PIGF: variants seen among roughly 807,000 people sequenced by gnomAD.
PIGF encodes GPI ethanolamine phosphate transferase, stabilizing subunit.
In PIGF, 23 loss-of-function variants were observed where a neutral mutation model predicts 26.0. The ratio of observed to expected loss-of-function variants is 0.88; its 90% CI spans 0.64 to 1.25. The LOEUF is 1.25. Ranked by LOEUF, PIGF falls within the 50% of genes most tolerant of loss-of-function variation. PIGF has a pLI of 0.00. For missense variants in PIGF, 278 were observed against 249.9 expected, an observed-to-expected ratio of 1.11 and a Z score of -0.76; for synonymous variants, 93 against 92.6, an observed-to-expected ratio of 1.00 and a Z score of -0.03.
At chr2:46,614,302 G>C (rs1322310590) in intron 2 of PIGF, 1 of 152,680 alleles carries the variant, frequency 6.5e-6, no homozygotes, top group Non-Finnish European at 1.5e-5. Context: ...AAAGAAACAT[G>C]AGATCTTCTT....
chr2:46,600,127 T>C (rs1490878015), intron 4 of PIGF, among the ~76,000 whole-genome samples: 1 of 152,232 alleles, frequency 6.6e-6, no homozygotes, highest in Non-Finnish European at 1.5e-5. Flanking sequence ...CGCCTCCTCT[T>C]AGAAATCAGA....
chr2:46,589,988 C>T lies in PIGF; in HGVS notation c.546+2487G>A, dbSNP rs17767067. 0.065 allele frequency among the ~76,000 whole-genome samples: 9,830 copies of T among 151,868 alleles called. 433 individuals are homozygous for T. The highest frequency in any genetic ancestry group is 0.1 in the Non-Finnish European group (6,988 of 67,834). ...TAATTATACATCAATTCTATCATTC[C>T]CTCAACAATACATTTCATAATTTAA... is the stretch of plus-strand genomic sequence containing the variant. On this transcript the variant is annotated intron_variant, in intron 5 of 5. Transcript: ENST00000281382. The surrounding 1 kb of genome is among the most constrained non-coding windows in gnomAD (Gnocchi z 4.7).
At chr2:46,598,135 G>T (rs575130988) in intron 4 of PIGF, among the ~76,000 whole-genome samples, 5 of 151,006 alleles carry the variant, frequency 3.3e-5, no homozygotes, top group Admixed American at 2.0e-4. Context: ...CTCTACTTCC[G>T]TTGAGTATTT....
intron 4 of PIGF, among the ~76,000 whole-genome samples, chr2:46,609,424 C>T (rs913389848): frequency 1.3e-5 from 2 of 152,242 alleles, no homozygotes; most frequent in African/African-American, 4.8e-5. Flanking sequence ...ACTTTCTTGT[C>T]ACTCATGTGT....
intron 5 of PIGF, chr2:46,591,705 T>TA: frequency 2.7e-6 from 3 of 1,096,948 alleles, no homozygotes; most frequent in Non-Finnish European, 3.4e-6. Flanking sequence ...AAGATAAAGA[T>TA]ACAGTCATCA....
intron 5 of PIGF, among the ~76,000 whole-genome samples, chr2:46,590,504 C>T (rs933410033): frequency 2.3e-5 from 3 of 130,516 alleles, no homozygotes; most frequent in African/African-American, 8.9e-5. Context: ...AACCTTTACA[C>T]TCTAATGTAT....
rs1359103148 is a variant in PIGF at position 46,614,755 on chromosome 2, G to GATCA, written c.228+178_228+181dup. On this transcript the variant is annotated intron_variant, in intron 2 of 5. Coordinates refer to ENST00000281382, the MANE Select transcript of PIGF (RefSeq NM_002643.4). Reference sequence around the variant, plus strand: ...AATTCCATAATTAATGCAAGGCAAGGATCAATCAAACATTGTGGGCAGCCT... The same window carrying GATCA: ...AATTCCATAATTAATGCAAGGCAAGGATCAATCAATCAAACATTGTGGGCAGCCT... The GATCA allele has an allele frequency of 8.9e-5, 47 of 529,542 alleles. No homozygotes were observed. In the Admixed American group the frequency reaches 1.4e-3, roughly 16 times the overall value. The allele number at this position is 529,542 out of a possible 1,614,324, so 32.8% of individuals were successfully genotyped here.
intron 4 of PIGF, among the ~76,000 whole-genome samples, chr2:46,602,103 T>TTAA (rs1423878855): frequency 6.6e-6 from 1 of 151,940 alleles, no homozygotes; most frequent in African/African-American, 2.4e-5. Context: ...AGTATATTAT[T>TTAA]TAATAAGTAT....
chr2:46,607,166 C>G (rs900137574), intron 4 of PIGF, among the ~76,000 whole-genome samples: 3 of 152,098 alleles, frequency 2.0e-5, no homozygotes, highest in African/African-American at 7.2e-5. Context: ...TAAAAAATAA[C>G]CACCTCCCAG....
At chr2:46,610,854 A>G (rs1262547224) in intron 4 of PIGF, among the ~76,000 whole-genome samples, 3 of 152,166 alleles carry the variant, frequency 2.0e-5, no homozygotes, top group Non-Finnish European at 2.9e-5. Context: ...TTCAAAGGGA[A>G]TAAGTCGGTA....
At chr2:46,586,764 G>GT (rs1669584678) in intron 5 of PIGF, among the ~76,000 whole-genome samples, 1 of 152,198 alleles carries the variant, frequency 6.6e-6, no homozygotes, top group Admixed American at 6.5e-5. Flanking sequence ...GTCTTGAACA[G>GT]TATGTTTTTC....
At chr2:46,598,421 A>G (rs189199708) in intron 4 of PIGF, among the ~76,000 whole-genome samples, 30 of 152,196 alleles carry the variant, frequency 2.0e-4, no homozygotes, top group African/African-American at 7.2e-4. Context: ...GATAGAAAAT[A>G]TATTAGTGTA....
At chr2:46,605,333 T>C (rs1670184214) in intron 4 of PIGF, among the ~76,000 whole-genome samples, 1 of 152,106 alleles carries the variant, frequency 6.6e-6, no homozygotes, top group Non-Finnish European at 1.5e-5. Flanking sequence ...TTCTCTTACG[T>C]CAAAGTTCAA....
At position 46,595,773 on chromosome 2, in the gene PIGF, C is replaced by CT. The variant is rs1208783520; in HGVS notation, c.438-3191dup. Among the ~76,000 whole-genome samples the CT allele has an allele frequency of 7.9e-5, 12 of 152,150 alleles. No individual in the cohort carries two copies. The East Asian group carries it at 1.5e-3, about 20-fold the overall frequency. ...ACACCCTCCTGACACTTGTCATTAT[C>CT]TTTTTTTTATTACAGTCATCGTAAT... On this transcript the variant is annotated intron_variant, in intron 4 of 5. Transcript: ENST00000281382.
At position 46,595,010 on chromosome 2, in the gene PIGF, A is replaced by AT. The variant is rs941835913; in HGVS notation, c.438-2428dup. ...GGATTATAGGTGGCTAATTTTTTGT[A>AT]TTTTTTTTTAGTAGAGATGGGGTTT... On this transcript the variant is annotated intron_variant, in intron 4 of 5. Coordinates refer to ENST00000281382, the MANE Select transcript of PIGF (RefSeq NM_002643.4). Among the ~76,000 whole-genome samples, 25 of 137,598 alleles carry AT rather than the reference A, an allele frequency of 1.8e-4. No individual in the cohort carries two copies. In the East Asian group the frequency reaches 2.8e-3, roughly 15 times the overall value. The allele number at this position is 137,598 out of a possible 152,430, so 90.3% of individuals were successfully genotyped here.
rs1669358480 is a variant in PIGF, at chr2:46,581,273, C to G, written c.*205G>C. 2.1e-6 allele frequency: 2 copies of G among 964,626 alleles called. No individual in the cohort carries two copies. Among genetic ancestry groups the G allele is most frequent in the South Asian group, 1.8e-5 (1 of 54,100 alleles). The allele number at this position is 964,626 out of a possible 1,614,324, so 59.8% of individuals were successfully genotyped here. On this transcript the variant is annotated 3_prime_UTR_variant, in exon 6 of 6. Coordinates refer to ENST00000281382, the MANE Select transcript of PIGF (RefSeq NM_002643.4). ...AGGTTTAAGAAGCAGTAAGCAGCAT[C>G]TGAAGCCACAATCTATTATAAATAC...
chr2:46,599,577 G>A (rs1286041087), intron 4 of PIGF, among the ~76,000 whole-genome samples: 1 of 151,944 alleles, frequency 6.6e-6, no homozygotes, highest in Non-Finnish European at 1.5e-5. Flanking sequence ...TCTGTTTCTT[G>A]ATATTTTTAA....
intron 4 of PIGF, among the ~76,000 whole-genome samples, chr2:46,600,010 C>A (rs893960526): frequency 4.6e-5 from 7 of 152,120 alleles, no homozygotes; most frequent in Non-Finnish European, 4.4e-5. Flanking sequence ...GGTAGGGAGG[C>A]TGGGTAAGAT....
chr2:46,610,914 G>A (rs977203847), intron 4 of PIGF, among the ~76,000 whole-genome samples: 1 of 152,138 alleles, frequency 6.6e-6, no homozygotes, highest in Non-Finnish European at 1.5e-5. Flanking sequence ...TCATTGGGCT[G>A]TTACCTTTCA....
Sources: gnomAD v4.1 joint callset for allele counts (sites outside exome capture counted in the v4.1 genomes callset) on GRCh38, gnomAD v4.1.1 for gene constraint, Gnocchi (gnomAD v3.1) non-coding constraint, MANE v1.5 for transcripts, NCBI Gene and HGNC (gene_info 2026-07-23, HGNC 2026-07-21) for gene names.